DEPDC1B: variants seen among roughly 807,000 people sequenced by gnomAD.
DEPDC1B encodes the protein DEP domain-containing protein 1B.
Under a neutral mutation model 66.5 loss-of-function variants are expected in DEPDC1B, and 51 were observed. The observed-to-expected ratio is 0.77, with a 90% CI of 0.61 to 0.97. DEPDC1B has a LOEUF of 0.97. Among genes scored for constraint, DEPDC1B ranks in the 50% least tolerant of loss-of-function variants. The pLI is 0.00. For synonymous variants in DEPDC1B, 226 were observed against 223.6 expected (o/e 1.01, Z -0.10); for missense variants, 552 against 637.1 (o/e 0.87, Z 1.44).
chr5:60,597,271 TG>T lies in DEPDC1B; in HGVS notation c.*481del, dbSNP rs1424872790. The stretch of plus-strand genomic sequence containing the variant: ...AAAATTTATGTGCAGCAATAAAAAC[TG>T]GAATTTATACAGGAGAAATGATAAT... On this transcript the variant is annotated 3_prime_UTR_variant, in exon 11 of 11. Coordinates refer to ENST00000265036, the MANE Select transcript of DEPDC1B (RefSeq NM_018369.3). 6.5e-6 allele frequency: 1 copy of T among 152,864 alleles called. No homozygotes were observed. Among genetic ancestry groups the T allele is most frequent in the Non-Finnish European group, 1.5e-5 (1 of 68,240 alleles). The allele number at this position is 152,864 out of a possible 1,614,324, so 9.5% of individuals were successfully genotyped here.
At chr5:60,616,490 T>C (rs1752557595) in intron 7 of DEPDC1B, among the ~76,000 whole-genome samples, 1 of 152,140 alleles carries the variant, frequency 6.6e-6, no homozygotes. Context: ...AACTACATGA[T>C]GAATGCACAA....
At chr5:60,637,742 A>G (rs1753076023) in intron 7 of DEPDC1B, among the ~76,000 whole-genome samples, 1 of 152,194 alleles carries the variant, frequency 6.6e-6, no homozygotes, top group Non-Finnish European at 1.5e-5. Flanking sequence ...ATTTGTTCCA[A>G]TGTTGTTCTG....
At chr5:60,622,698 A>G (rs751918757) in intron 7 of DEPDC1B, among the ~76,000 whole-genome samples, 1 of 152,200 alleles carries the variant, frequency 6.6e-6, no homozygotes, top group Non-Finnish European at 1.5e-5. Flanking sequence ...CCAAAAATTT[A>G]TGTCAGTGTC....
chr5:60,615,015 A>G (rs989844493), intron 7 of DEPDC1B, among the ~76,000 whole-genome samples: 2 of 152,222 alleles, frequency 1.3e-5, no homozygotes, highest in African/African-American at 4.8e-5. Context: ...GAATAAATAA[A>G]TAAACAAAGC....
Position 60,663,783 on chromosome 5 carries a change from C to T in DEPDC1B, c.315-16250G>A, listed in dbSNP as rs1036630820. On this transcript the variant is annotated intron_variant, in intron 2 of 10. Coordinates refer to ENST00000265036, the MANE Select transcript of DEPDC1B (RefSeq NM_018369.3). ...ACCTTGTGCCATCAAGCCACTCAAG[C>T]GCTTTTAAACTTCCTCACCACTTGT... Among the ~76,000 whole-genome samples the T allele has an allele frequency of 3.3e-5, 5 of 152,236 alleles. No individual in the cohort carries two copies. The South Asian group carries it at 6.2e-4, about 19-fold the overall frequency.
rs936262823 is a variant in DEPDC1B at position 60,667,858 on chromosome 5, T to A, written c.314+19104A>T. 2.0e-5 allele frequency among the ~76,000 whole-genome samples: 2 copies of A among 102,170 alleles called. 1 individual carries two copies. Among genetic ancestry groups the A allele is most frequent in the African/African-American group, 7.3e-5 (2 of 27,220 alleles). 67.0% of individuals were successfully genotyped at this position (102,170 alleles called of 152,430 possible). ...ATGTAAAAAATGGATATTTTACATA[T>A]ATGTAAAAAATGGATATTTTACATA... On this transcript the variant is annotated intron_variant, in intron 2 of 10. Coordinates refer to ENST00000265036, the MANE Select transcript of DEPDC1B (RefSeq NM_018369.3).
At chr5:60,628,936 C>T (rs1315953099) in intron 7 of DEPDC1B, among the ~76,000 whole-genome samples, 1 of 152,210 alleles carries the variant, frequency 6.6e-6, no homozygotes, top group Non-Finnish European at 1.5e-5. Context: ...TCTTAAACTT[C>T]TTTCCCAAAA....
At chr5:60,632,038 C>T (rs1457424143) in intron 7 of DEPDC1B, among the ~76,000 whole-genome samples, 1 of 152,140 alleles carries the variant, frequency 6.6e-6, no homozygotes, top group Admixed American at 6.5e-5. Context: ...GAAGAGACAC[C>T]CTCACTCTCC....
intron 2 of DEPDC1B, among the ~76,000 whole-genome samples, chr5:60,673,154 A>G (rs1239766633): frequency 6.6e-6 from 1 of 152,040 alleles, no homozygotes; most frequent in Non-Finnish European, 1.5e-5. Context: ...TCCCTGACAC[A>G]CACCTGTTGA....
intron 2 of DEPDC1B, among the ~76,000 whole-genome samples, chr5:60,662,351 G>A (rs1753736152): frequency 6.6e-6 from 1 of 151,982 alleles, no homozygotes; most frequent in Admixed American, 6.6e-5. Context: ...TCACGCCACT[G>A]CACTCCAGCC....
At chr5:60,603,306 A>T (rs1443518548) in intron 9 of DEPDC1B, 85 bp downstream of exon 9, 3 of 1,285,588 alleles carry the variant, frequency 2.3e-6, no homozygotes, top group Non-Finnish European at 3.1e-6. Flanking sequence ...CTTAATCCTC[A>T]TAATAAAATG....
chr5:60,609,551 C>G (rs1160621611), intron 7 of DEPDC1B, among the ~76,000 whole-genome samples: 1 of 152,124 alleles, frequency 6.6e-6, no homozygotes, highest in Non-Finnish European at 1.5e-5. Context: ...GCTAAAAGAG[C>G]AGCATGAAAG....
intron 2 of DEPDC1B, among the ~76,000 whole-genome samples, chr5:60,675,743 A>C (rs533380652): frequency 6.6e-6 from 1 of 152,156 alleles, no homozygotes; most frequent in East Asian, 1.9e-4. Context: ...TAGCATTCTC[A>C]TCTAGGCAAT....
chr5:60,635,008 G>A (rs1273105978), intron 7 of DEPDC1B, among the ~76,000 whole-genome samples: 1 of 148,368 alleles, frequency 6.7e-6, no homozygotes, highest in African/African-American at 2.5e-5. Context: ...GCGGTGAGCT[G>A]AGATTGCGCC....
chr5:60,654,791 G>A lies in DEPDC1B; in HGVS notation c.315-7258C>T, dbSNP rs376193474. Among the ~76,000 whole-genome samples, 18 of 148,784 alleles carry A rather than the reference G, an allele frequency of 1.2e-4. 3 individuals are homozygous for A. The highest frequency in any genetic ancestry group is 4.6e-4 in the African/African-American group (18 of 39,498). On this transcript the variant is annotated intron_variant, in intron 2 of 10. Coordinates refer to ENST00000265036, the MANE Select transcript of DEPDC1B (RefSeq NM_018369.3). ...TCATAGATGGCTTTTATTACCTTAAGGTACATCCCCTCTAGGCTGATTTTG... is the reference window on the plus strand; with the variant it reads ...TCATAGATGGCTTTTATTACCTTAAAGTACATCCCCTCTAGGCTGATTTTG...
rs1385364831 is a variant in DEPDC1B, at chr5:60,603,471, T to C, written c.1162A>G (p.Asn388Asp). Residue 388 changes from asparagine (N) to aspartate (D), a missense_variant, in exon 9 of 11, where the codon AAT (asparagine) becomes GAT (aspartate). Physicochemically the swap from Asn to Asp is conservative, Grantham distance 23. Transcript: ENST00000265036. ...AARLVTFLMD[N>D]YQEILKVPLA... Reference sequence around the variant, plus strand: ...GGGACTTTCAGAATTTCCTGGTAATTGTCCATCAGAAACGTTACCAATCTA... The same window carrying C: ...GGGACTTTCAGAATTTCCTGGTAATCGTCCATCAGAAACGTTACCAATCTA... 1.7e-5 allele frequency: 27 copies of C among 1,613,154 alleles called. No homozygotes were observed. Among genetic ancestry groups the C allele is most frequent in the Non-Finnish European group, 2.2e-5 (26 of 1,179,638 alleles).
chr5:60,667,664 T>TGA (rs1183216858), intron 2 of DEPDC1B, among the ~76,000 whole-genome samples: 1 of 132,642 alleles, frequency 7.5e-6, no homozygotes, highest in Non-Finnish European at 1.5e-5. Context: ...TACATGTATA[T>TGA]AATGGATATT....
chr5:60,610,449 A>G (rs1752392852), intron 7 of DEPDC1B, among the ~76,000 whole-genome samples: 1 of 152,204 alleles, frequency 6.6e-6, no homozygotes. Context: ...CTTTGGCTAG[A>G]TTTTCTTTAA....
chr5:60,642,309 C>G (rs966214598), intron 6 of DEPDC1B, among the ~76,000 whole-genome samples: 1 of 152,090 alleles, frequency 6.6e-6, no homozygotes, highest in Non-Finnish European at 1.5e-5. Context: ...TTGGGTTAAC[C>G]CTTGTGAAAA....
Sources: allele counts gnomAD v4.1 joint callset (sites outside exome capture counted in the v4.1 genomes callset), GRCh38; gene constraint gnomAD v4.1.1; transcripts MANE v1.5; gene names NCBI Gene and HGNC (gene_info 2026-07-23, HGNC 2026-07-21).